Variants in DNAH5 observed in about 807,000 individuals in gnomAD.
The protein encoded by DNAH5 is dynein axonemal heavy chain 5, also known as axonemal beta dynein heavy chain 5.
In DNAH5, 372 loss-of-function variants were observed where a neutral mutation model predicts 518.2. That is an observed-to-expected ratio of 0.72 (90% CI 0.66 to 0.78). DNAH5 has a LOEUF of 0.78. DNAH5 is among the 30% of genes least tolerant of loss of function. The probability of loss-of-function intolerance (pLI) is 0.00; values close to 1 mark genes in which losing one functional copy is unlikely to be tolerated. For missense variants in DNAH5, 5,523 were observed against 5,687.0 expected (o/e 0.97, Z 0.93); for synonymous variants, 2,039 against 2,025.9 (o/e 1.01, Z -0.17).
At chr5:13,988,919 G>C (rs1783274468) in intron 1 of DNAH5, among the ~76,000 whole-genome samples, 1 of 151,358 alleles carries the variant, frequency 6.6e-6, no homozygotes, top group African/African-American at 2.4e-5. Flanking sequence ...GTAGAGACGG[G>C]GTTTCACCAT....
chr5:13,865,648 C>T lies in DNAH5; in HGVS notation c.4355+20G>A. On this transcript the variant is annotated intron_variant, in intron 27 of 78. Transcript: ENST00000265104. ...ATTTGAAGTTCAATTGCTGGGCATGCTAAACATTTAATTTCTTACCTGTTC... is the reference window on the plus strand; with the variant it reads ...ATTTGAAGTTCAATTGCTGGGCATGTTAAACATTTAATTTCTTACCTGTTC... The T allele has an allele frequency of 6.9e-7, 1 of 1,442,126 alleles. No individual in the cohort carries two copies. The highest frequency in any genetic ancestry group is 1.1e-5 in the South Asian group (1 of 87,220). The allele number at this position is 1,442,126 out of a possible 1,614,324, so 89.3% of individuals were successfully genotyped here.
chr5:13,852,597 C>A (rs965936389), intron 30 of DNAH5, among the ~76,000 whole-genome samples: 5 of 152,192 alleles, frequency 3.3e-5, no homozygotes, highest in Non-Finnish European at 2.9e-5. Context: ...CCCCACAGAA[C>A]CCAGCAAGCT....
chr5:13,867,875 T>C lies in DNAH5; in HGVS notation c.3952A>G (p.Asn1318Asp), dbSNP rs763656274. ...CTGGGCTGCAGTGAGACTAATTTAT[T>C]CTGGACTTCGCCAGCACGTGCCAGC... ...KLLARAGEVQ[N>D]KLVSLQPSFK... Residue 1318 changes from asparagine to aspartate, a missense_variant, in exon 25 of 79, where the codon AAT (asparagine) becomes GAT (aspartate). Physicochemically the swap from Asn to Asp is conservative, Grantham distance 23. This residue lies in a region of DNAH5 where 5,121 missense variants were observed against 5,223.3 expected (regional missense o/e 0.98). Coordinates refer to ENST00000265104, the MANE Select transcript of DNAH5 (RefSeq NM_001369.3). 1.9e-6 allele frequency: 3 copies of C among 1,614,160 alleles called. No homozygotes were observed. Among genetic ancestry groups the C allele is most frequent in the Non-Finnish European group, 2.5e-6 (3 of 1,179,994 alleles).
chr5:14,000,295 A>C (rs927878698), intron 1 of DNAH5, among the ~76,000 whole-genome samples: 1 of 152,192 alleles, frequency 6.6e-6, no homozygotes, highest in Non-Finnish European at 1.5e-5. Context: ...GCAAAGGAAC[A>C]CCTGGGGCCG....
At chr5:13,767,633 C>T (rs1370003599) in intron 58 of DNAH5, among the ~76,000 whole-genome samples, 2 of 152,168 alleles carry the variant, frequency 1.3e-5, no homozygotes, top group Non-Finnish European at 2.9e-5. Flanking sequence ...GGCATGCTTA[C>T]TTTACTTTAG....
chr5:13,991,960 G>C (rs2152075475), intron 1 of DNAH5, among the ~76,000 whole-genome samples: 1 of 152,228 alleles, frequency 6.6e-6, no homozygotes, highest in East Asian at 1.9e-4. Context: ...AAATCCTCCA[G>C]TACACGAAGC....
At chr5:13,958,480 T>C (rs1188206767) in intron 1 of DNAH5, among the ~76,000 whole-genome samples, 1 of 152,190 alleles carries the variant, frequency 6.6e-6, no homozygotes, top group African/African-American at 2.4e-5. Context: ...ATAATTTTCT[T>C]TCCATTGATT....
intron 65 of DNAH5, among the ~76,000 whole-genome samples, chr5:13,738,126 GGAA>G (rs1747847654): frequency 6.7e-6 from 1 of 149,366 alleles, no homozygotes; most frequent in Admixed American, 6.7e-5. Context: ...AACAGAGGAA[GGAA>G]GAATAGGTGC....
chr5:13,867,331 G>A (rs1307641899), intron 25 of DNAH5, among the ~76,000 whole-genome samples: 2 of 152,076 alleles, frequency 1.3e-5, no homozygotes, highest in African/African-American at 2.4e-5. Flanking sequence ...CATGGGAGCG[G>A]TTTTCCCCAT....
chr5:13,865,619 A>G (rs371916490), intron 27 of DNAH5, 49 bp downstream of exon 27: 2 of 1,134,956 alleles, frequency 1.8e-6, no homozygotes, highest in African/African-American at 3.0e-5. Context: ...TCAAAGAGGA[A>G]AGCATTTGAA....
At chr5:13,950,652 T>C (rs1489410642) in intron 1 of DNAH5, among the ~76,000 whole-genome samples, 1 of 152,190 alleles carries the variant, frequency 6.6e-6, no homozygotes, top group Non-Finnish European at 1.5e-5. Flanking sequence ...TCATGGGTTG[T>C]GAATGAAGAC....
At position 13,717,514 on chromosome 5, in the gene DNAH5, C is replaced by A; in HGVS notation, c.12506G>T (p.Ser4169Ile). Residue 4169 changes from serine to isoleucine, a missense_variant, in exon 73 of 79, where the codon AGC (serine) becomes ATC (isoleucine). Coordinates refer to ENST00000265104, the MANE Select transcript of DNAH5 (RefSeq NM_001369.3). ...AGLKRTYSGV[S>I]QDLLDVSSGS... ...AGAGCTCACGTCCAGCAGGTCTTGGCTGACACCTGTTGTGGTCAGTTGGGT... is the reference window on the plus strand; with the variant it reads ...AGAGCTCACGTCCAGCAGGTCTTGGATGACACCTGTTGTGGTCAGTTGGGT... 1 of 1,614,078 alleles carries A rather than the reference C, an allele frequency of 6.2e-7. No individual in the cohort carries two copies. Among genetic ancestry groups the A allele is most frequent in the South Asian group, 1.1e-5 (1 of 91,058 alleles).
chr5:13,891,975 C>T (rs942720810), intron 16 of DNAH5, among the ~76,000 whole-genome samples: 2 of 152,182 alleles, frequency 1.3e-5, no homozygotes, highest in Admixed American at 6.5e-5. Context: ...TCTAATACTC[C>T]TTTCTCCTGG....
chr5:13,876,979 A>G (rs2151929577), intron 21 of DNAH5, among the ~76,000 whole-genome samples, 162 bp from the exon 22 acceptor site: 1 of 152,328 alleles, frequency 6.6e-6, no homozygotes, highest in African/African-American at 2.4e-5. Context: ...TCAACTTTTC[A>G]GGACTCTGTA....
At chr5:13,866,384 T>C (rs1580662447) in intron 25 of DNAH5, 102 bp from the exon 26 acceptor site, 1 of 899,764 alleles carries the variant, frequency 1.1e-6, no homozygotes. Flanking sequence ...TCATGCATGA[T>C]AGGAAACTTC....
intron 17 of DNAH5, among the ~76,000 whole-genome samples, chr5:13,887,906 T>C (rs1280713896): frequency 6.6e-6 from 1 of 152,138 alleles, no homozygotes; most frequent in Non-Finnish European, 1.5e-5. Context: ...TGGCCCCTAA[T>C]GCTACTCGGG....
At chr5:13,742,464 A>T (rs1748706155) in intron 65 of DNAH5, among the ~76,000 whole-genome samples, 1 of 152,136 alleles carries the variant, frequency 6.6e-6, no homozygotes, top group African/African-American at 2.4e-5. Flanking sequence ...TTCTCAATAT[A>T]GTTGGCAAAA....
Position 13,770,760 on chromosome 5 carries a change from G to A in DNAH5, c.9594C>T (p.Thr3198=), listed in dbSNP as rs1316399548. The stretch of plus-strand genomic sequence containing the variant: ...AACATCACACTTACCTGTTGGCCAG[G>A]GTCCGCACCTCCACATGCTTTTCTC... ...IYGEKHVEVR[T]LANRMNTGLE... Residue 3198 remains threonine, a synonymous_variant, in exon 56 of 79, where the codon ACC becomes ACT. Coordinates refer to ENST00000265104, the MANE Select transcript of DNAH5 (RefSeq NM_001369.3). 4 of 1,613,796 alleles carry A rather than the reference G, an allele frequency of 2.5e-6. No individual in the cohort carries two copies. Among genetic ancestry groups the A allele is most frequent in the African/African-American group, 2.7e-5 (2 of 75,000 alleles).
At chr5:13,890,330 C>T (rs775459898) in intron 17 of DNAH5, among the ~76,000 whole-genome samples, 28 of 150,036 alleles carry the variant, frequency 1.9e-4, no homozygotes, top group Non-Finnish European at 3.2e-4. Context: ...TTGCTTCAAC[C>T]GGGGAGTCAG....
Sources: gnomAD v4.1 joint callset for allele counts (sites outside exome capture counted in the v4.1 genomes callset) on GRCh38, gnomAD v4.1.1 for gene constraint, gnomAD v4.1.1 regional missense constraint, MANE v1.5 for transcripts, NCBI Gene and HGNC (gene_info 2026-07-23, HGNC 2026-07-21) for gene names.